DMD: variants seen among roughly 807,000 people sequenced by gnomAD.
DMD encodes dystrophin, also known as mutant dystrophin.
DMD carries 63 observed loss-of-function variants against 330.1 expected under a neutral mutation model. The ratio of observed to expected loss-of-function variants is 0.19; its 90% confidence interval spans 0.16 to 0.24. The LOEUF is 0.24. Ranked by LOEUF, DMD falls within the 10% of genes least tolerant of loss-of-function variation. The probability of loss-of-function intolerance (pLI) is 1.00; values close to 1 mark genes in which losing one functional copy is unlikely to be tolerated. For missense variants in DMD, 3,344 were observed against 2,684.1 expected, an observed-to-expected ratio of 1.25 and a Z score of -5.43; for synonymous variants, 1,223 against 959.8, an observed-to-expected ratio of 1.27 and a Z score of -5.07.
intron 60 of DMD, among the ~76,000 whole-genome samples, chrX:31,434,428 A>AGTG (rs2064347446): frequency 1.4e-5 from 1 of 74,034 alleles, no homozygotes; most frequent in East Asian, 4.4e-4. Flanking sequence ...GCACACACAC[A>AGTG]CACACACACA....
At chrX:32,127,243 C>A (rs2096665849) in intron 44 of DMD, among the ~76,000 whole-genome samples, 1 of 111,928 alleles carries the variant, frequency 8.9e-6, no homozygotes, top group African/African-American at 3.2e-5. Context: ...CTAGCCAACA[C>A]ACATCTGTTG....
At chrX:31,371,522 G>C (rs1291431547) in intron 60 of DMD, among the ~76,000 whole-genome samples, 4 of 111,099 alleles carry the variant, frequency 3.6e-5, no homozygotes, top group Non-Finnish European at 7.5e-5. Context: ...GGGGAAATAA[G>C]ATCTAGATAT....
intron 51 of DMD, among the ~76,000 whole-genome samples, chrX:31,752,423 A>C (rs772732010): frequency 4.5e-5 from 5 of 111,133 alleles, no homozygotes; most frequent in Admixed American, 2.9e-4. Flanking sequence ...AAAGCAAACA[A>C]AAAACAACCA....
chrX:32,351,429 A>G (rs2097781508), intron 37 of DMD, among the ~76,000 whole-genome samples: 3 of 109,954 alleles, frequency 2.7e-5, no homozygotes, highest in Admixed American at 2.0e-4. Context: ...CTACAGATTA[A>G]TTTATCTGCG....
intron 51 of DMD, among the ~76,000 whole-genome samples, chrX:31,747,526 A>G (rs937677933): frequency 2.7e-5 from 3 of 111,581 alleles, no homozygotes; most frequent in African/African-American, 6.5e-5. Context: ...AAATGGGTCT[A>G]CATTAGCACA....
chrX:31,603,167 C>T (rs916699807), intron 55 of DMD, among the ~76,000 whole-genome samples: 1 of 110,509 alleles, frequency 9.0e-6, no homozygotes, highest in African/African-American at 3.3e-5. Context: ...ACAGAACCGA[C>T]GGCCTAGAGA....
intron 17 of DMD, among the ~76,000 whole-genome samples, chrX:32,524,903 T>A (rs899583485): frequency 2.7e-5 from 3 of 112,187 alleles, no homozygotes; most frequent in Non-Finnish European, 5.6e-5. Context: ...CAATTTCAAA[T>A]TTTACTAGGG....
intron 1 of DMD, among the ~76,000 whole-genome samples, chrX:33,036,756 G>C (rs1244475631): frequency 9.1e-6 from 1 of 110,414 alleles, no homozygotes; most frequent in East Asian, 2.8e-4. Flanking sequence ...GTAATTCAAT[G>C]TAATTCACAT....
At chrX:33,234,855 C>T (rs2052448793) in intron 1 of DMD, among the ~76,000 whole-genome samples, 2 of 111,710 alleles carry the variant, frequency 1.8e-5, no homozygotes, top group Non-Finnish European at 3.8e-5. Context: ...TGGCCACTCT[C>T]AGTGATTCTT....
rs128626232 is a variant in DMD at position 32,545,310 on chromosome X, G to C, written c.2017C>G (p.Gln673Glu). The change falls in exon 17 of 79, where the codon CAG (glutamine) becomes GAG (glutamate). Residue 673 changes from glutamine to glutamate, a missense_variant. Physicochemically the swap from Gln to Glu is conservative, Grantham distance 29 (BLOSUM62 2). Transcript: ENST00000357033. ...AQISQAVTTT[Q>E]PSLTQTTVME... Reference sequence around the variant, plus strand: ...ACAGTTGTCTGTGTTAGTGATGGCTGAGTGGTGGTGACAGCCTGTGAAATC... The same window carrying C: ...ACAGTTGTCTGTGTTAGTGATGGCTCAGTGGTGGTGACAGCCTGTGAAATC... 1.7e-6 allele frequency: 2 copies of C among 1,210,726 alleles called. No homozygotes were observed. The highest frequency in any genetic ancestry group is 4.4e-5 in the Admixed American group (2 of 45,946).
intron 49 of DMD, among the ~76,000 whole-genome samples, chrX:31,822,952 T>C (rs1052944838): frequency 1.4e-4 from 16 of 111,048 alleles, no homozygotes; most frequent in Non-Finnish European, 1.1e-4. Flanking sequence ...ACTAACTTTC[T>C]AGCTCATTAC....
At chrX:32,765,374 T>C (rs2072853466) in intron 7 of DMD, among the ~76,000 whole-genome samples, 1 of 110,578 alleles carries the variant, frequency 9.0e-6, no homozygotes, top group African/African-American at 3.3e-5. Flanking sequence ...TCCACCCCTC[T>C]TGCTCCTGTT....
At chrX:31,995,065 T>G (rs2095575637) in intron 44 of DMD, among the ~76,000 whole-genome samples, 1 of 112,254 alleles carries the variant, frequency 8.9e-6, no homozygotes, top group African/African-American at 3.2e-5. Context: ...TATCCTTCCT[T>G]ACGTGCTTAT....
chrX:31,266,367 T>C (rs2051116265), intron 62 of DMD, among the ~76,000 whole-genome samples: 1 of 111,502 alleles, frequency 9.0e-6, no homozygotes, highest in African/African-American at 3.3e-5. Flanking sequence ...CTTTTGGCAC[T>C]TGCAGTGCAA....
intron 50 of DMD, among the ~76,000 whole-genome samples, chrX:31,794,934 G>A (rs989308476): frequency 3.3e-4 from 37 of 111,653 alleles, no homozygotes; most frequent in African/African-American, 1.1e-3. Context: ...AATACTTCTC[G>A]TTGTCATTTA....
intron 61 of DMD, among the ~76,000 whole-genome samples, chrX:31,338,731 G>A (rs1247079460): frequency 2.7e-5 from 3 of 110,342 alleles, no homozygotes; most frequent in Admixed American, 1.9e-4. Context: ...GTTTGCCTGG[G>A]ACTACAGAGA....
chrX:31,254,563 C>T (rs747340464), intron 63 of DMD, among the ~76,000 whole-genome samples: 72 of 110,683 alleles, frequency 6.5e-4, no homozygotes, highest in Non-Finnish European at 1.2e-3. Flanking sequence ...CGGGGTTTCA[C>T]CACGTTGCCC....
At chrX:32,508,845 CT>C (rs2044934115) in intron 18 of DMD, among the ~76,000 whole-genome samples, 1 of 110,118 alleles carries the variant, frequency 9.1e-6, no homozygotes, top group Non-Finnish European at 1.9e-5. Flanking sequence ...GAGTCTCGCT[CT>C]GTCGCCCAGG....
chrX:31,147,419 C>G lies in DMD; in HGVS notation c.10653G>C (p.Gln3551His). The change falls in exon 75 of 79, where the codon CAG becomes CAC. Residue 3551 changes from glutamine to histidine, a missense_variant. Coordinates refer to ENST00000357033, the MANE Select transcript of DMD (RefSeq NM_004006.3). ...CAATGAGCTCAGCATCCCGGGGACT[C>G]TGGGGAGAGGTGGGCATCATTTCAG... ...SPPEMMPTSPQSPRDAELIAE... is the reference protein window; with the variant it reads ...SPPEMMPTSPHSPRDAELIAE... 8.3e-7 allele frequency: 1 copy of G among 1,209,270 alleles called. No homozygotes were observed. Among genetic ancestry groups the G allele is most frequent in the Non-Finnish European group, 1.1e-6 (1 of 894,561 alleles).
Sources: allele counts gnomAD v4.1 joint callset (sites outside exome capture counted in the v4.1 genomes callset), GRCh38; gene constraint gnomAD v4.1.1; transcripts MANE v1.5; gene names NCBI Gene and HGNC (gene_info 2026-07-23, HGNC 2026-07-21).